Variants in GATB observed in about 807,000 individuals in gnomAD.
GATB encodes glutamyl-tRNA amidotransferase subunit B.
Under a neutral mutation model 62.3 loss-of-function variants are expected in GATB, and 39 were observed. That is an observed-to-expected ratio of 0.63 (90% CI 0.48 to 0.82). The LOEUF (loss-of-function observed/expected upper bound fraction) is 0.82, where lower values mean the gene tolerates loss of function less well. Among genes scored for constraint, GATB ranks in the 40% least tolerant of loss-of-function variants. GATB has a pLI of 0.00. For synonymous variants in GATB, 276 were observed against 258.9 expected (o/e 1.07, Z -0.63); for missense variants, 670 against 684.0 (o/e 0.98, Z 0.23).
chr4:151,755,021 T>C (rs1414826744), intron 2 of GATB, among the ~76,000 whole-genome samples: 2 of 152,200 alleles, frequency 1.3e-5, no homozygotes, highest in Non-Finnish European at 2.9e-5. Context: ...ATTATGGGTA[T>C]GCTAGCAGGT....
At chr4:151,699,812 T>C (rs1045433375) in intron 9 of GATB, among the ~76,000 whole-genome samples, 5 of 152,148 alleles carry the variant, frequency 3.3e-5, no homozygotes, top group African/African-American at 1.2e-4. Flanking sequence ...ATGTTATATA[T>C]AGTCAATTTC....
At chr4:151,727,312 A>C (rs977884469) in intron 2 of GATB, among the ~76,000 whole-genome samples, 2 of 152,234 alleles carry the variant, frequency 1.3e-5, no homozygotes, top group South Asian at 2.1e-4. Flanking sequence ...TTTGGCCTAC[A>C]TCAGTCCTAG....
intron 2 of GATB, among the ~76,000 whole-genome samples, chr4:151,757,415 A>G (rs1483054269): frequency 6.6e-6 from 1 of 151,780 alleles, no homozygotes; most frequent in Non-Finnish European, 1.5e-5. Context: ...TCAGTGACTG[A>G]GAAAAGTATA....
chr4:151,739,441 A>G (rs1202899736), intron 2 of GATB, among the ~76,000 whole-genome samples: 3 of 152,192 alleles, frequency 2.0e-5, no homozygotes, highest in Non-Finnish European at 4.4e-5. Flanking sequence ...CAAGATTTTT[A>G]AAAGAGCTGA....
Position 151,730,749 on chromosome 4 carries a change from C to T in GATB, c.328-11211G>A, listed in dbSNP as rs990020395. 3.9e-5 allele frequency among the ~76,000 whole-genome samples: 6 copies of T among 152,228 alleles called. No homozygotes were observed. Among genetic ancestry groups the T allele is most frequent in the African/African-American group, 2.4e-5 (1 of 41,446 alleles). On this transcript the variant is annotated intron_variant, in intron 2 of 12. Coordinates refer to ENST00000263985, the MANE Select transcript of GATB (RefSeq NM_004564.3). The surrounding 1 kb of genome is among the most constrained non-coding windows in gnomAD (Gnocchi z 4.1). ...AGAATATTATTACATCAAGGGAACA[C>T]CCCATGGGACAAAAAGACCTGAATA...
intron 2 of GATB, chr4:151,722,434 G>A: frequency 1.8e-6 from 1 of 552,082 alleles, no homozygotes; most frequent in Middle Eastern, 3.1e-4. Context: ...GGCCCCTGAT[G>A]TTCCCACGAC....
intron 9 of GATB, among the ~76,000 whole-genome samples, chr4:151,697,647 GTA>G (rs758505986): frequency 6.5e-4 from 97 of 148,720 alleles, no homozygotes; most frequent in Non-Finnish European, 1.2e-3. Context: ...AAATATTTCC[GTA>G]TATGTTTTAT....
At chr4:151,687,841 A>G (rs953372119) in intron 10 of GATB, among the ~76,000 whole-genome samples, 4 of 152,130 alleles carry the variant, frequency 2.6e-5, no homozygotes. Flanking sequence ...TGGCACCCGG[A>G]TCCTGGACCT....
intron 10 of GATB, among the ~76,000 whole-genome samples, chr4:151,682,977 G>A (rs1049594370): frequency 3.3e-5 from 5 of 152,020 alleles, no homozygotes; most frequent in Non-Finnish European, 5.9e-5. Context: ...CTGAGCCACG[G>A]TTGAGAACTT....
At chr4:151,731,325 C>G (rs185792467) in intron 2 of GATB, among the ~76,000 whole-genome samples, 6 of 152,336 alleles carry the variant, frequency 3.9e-5, no homozygotes, top group Non-Finnish European at 7.3e-5. Context: ...CCATGTTGGC[C>G]GGGCTGATCT....
intron 2 of GATB, among the ~76,000 whole-genome samples, chr4:151,743,457 A>T (rs974789527): frequency 6.6e-6 from 1 of 152,258 alleles, no homozygotes; most frequent in East Asian, 1.9e-4. Context: ...GTGGACATAC[A>T]TCTATAAACA....
At chr4:151,750,906 T>C (rs928284331) in intron 2 of GATB, among the ~76,000 whole-genome samples, 3 of 151,938 alleles carry the variant, frequency 2.0e-5, no homozygotes, top group Non-Finnish European at 4.4e-5. Context: ...AGTGCTGGGA[T>C]TACAGGCACG....
chr4:151,686,962 C>G (rs1286478452), intron 10 of GATB: 1 of 152,716 alleles, frequency 6.5e-6, no homozygotes, highest in African/African-American at 2.4e-5. Context: ...CCCTGTCAGC[C>G]TTGGCCTGTC....
At chr4:151,728,362 T>A (rs1663050656) in intron 2 of GATB, among the ~76,000 whole-genome samples, 1 of 152,206 alleles carries the variant, frequency 6.6e-6, no homozygotes, top group African/African-American at 2.4e-5. Context: ...AGAAGAGATG[T>A]ATAAAGGATA....
In GATB at chr4:151,701,368, T is replaced by C; in HGVS notation, c.1158A>G (p.Gln386=). 1 of 1,590,292 alleles carries C rather than the reference T, an allele frequency of 6.3e-7. No individual in the cohort carries two copies. Among genetic ancestry groups the C allele is most frequent in the Non-Finnish European group, 8.6e-7 (1 of 1,168,150 alleles). ...LPSVTREKLV[Q]QYGMLLEHSF... ...TGTGTTCCAGCAGCATCCCATACTG[T>C]TGGACAAGCTTCTCTCGGGTCACAC... The change falls in exon 9 of 13, where the codon CAA becomes CAG. Residue 386 remains glutamine (Q), a synonymous_variant. Coordinates refer to ENST00000263985, the MANE Select transcript of GATB (RefSeq NM_004564.3).
rs894559886 is a variant in GATB, at chr4:151,700,589, G to A, written c.1197+740C>T. Among the ~76,000 whole-genome samples the A allele has an allele frequency of 2.6e-5, 4 of 152,174 alleles. No individual in the cohort carries two copies. The East Asian group carries it at 7.7e-4, about 29-fold the overall frequency. Reference sequence around the variant, plus strand: ...GCAGATCCTGCTGCCCCAAAAGATAGGTGTGGCATATACTGATTCCCTGGA... The same window carrying A: ...GCAGATCCTGCTGCCCCAAAAGATAAGTGTGGCATATACTGATTCCCTGGA... On this transcript the variant is annotated intron_variant, in intron 9 of 12. Coordinates refer to ENST00000263985, the MANE Select transcript of GATB (RefSeq NM_004564.3).
chr4:151,687,901 C>T (rs1455389450), intron 10 of GATB, among the ~76,000 whole-genome samples: 1 of 152,184 alleles, frequency 6.6e-6, no homozygotes, highest in Non-Finnish European at 1.5e-5. Context: ...GCCACCCAGT[C>T]TATGGAATAT....
At chr4:151,759,001 G>T in intron 1 of GATB, 79 bp from the exon 2 acceptor site, 1 of 992,168 alleles carries the variant, frequency 1.0e-6, no homozygotes, top group Non-Finnish European at 1.5e-6. Flanking sequence ...AACCACAAAT[G>T]TTAATTTCCT....
intron 10 of GATB, among the ~76,000 whole-genome samples, chr4:151,685,459 C>T (rs368972944): frequency 1.1e-4 from 17 of 152,272 alleles, no homozygotes; most frequent in East Asian, 5.8e-4. Context: ...CTCCCTATTC[C>T]GGCTCAGCTC....
Sources: gnomAD v4.1 joint callset for allele counts (sites outside exome capture counted in the v4.1 genomes callset) on GRCh38, gnomAD v4.1.1 for gene constraint, Gnocchi (gnomAD v3.1) non-coding constraint, MANE v1.5 for transcripts, NCBI Gene and HGNC (gene_info 2026-07-23, HGNC 2026-07-21) for gene names.